TBC1D8: variants seen among roughly 807,000 people sequenced by gnomAD.
The protein encoded by TBC1D8 is TBC1 domain family member 8.
In TBC1D8, 65 loss-of-function variants were observed where a neutral mutation model predicts 118.8. That is an observed-to-expected ratio of 0.55 (90% CI 0.45 to 0.67). TBC1D8 has a LOEUF of 0.67. TBC1D8 is among the 30% of genes least tolerant of loss of function. The pLI, the probability that TBC1D8 is intolerant of heterozygous loss-of-function variation, is 0.00. For synonymous variants in TBC1D8, 566 were observed against 595.8 expected (o/e 0.95, Z 0.73); for missense variants, 1,376 against 1,471.2 (o/e 0.94, Z 1.06).
intron 2 of TBC1D8, among the ~76,000 whole-genome samples, chr2:101,066,741 T>C (rs1239373254): frequency 6.6e-6 from 1 of 152,008 alleles, no homozygotes; most frequent in African/African-American, 2.4e-5. Flanking sequence ...GGTCAGGAGT[T>C]TGAGACCAGC....
chr2:101,082,568 T>G (rs1675333582), intron 2 of TBC1D8, among the ~76,000 whole-genome samples: 1 of 152,342 alleles, frequency 6.6e-6, no homozygotes, highest in South Asian at 2.1e-4. Flanking sequence ...GAAAGCCGAC[T>G]TACAATGGAA....
chr2:101,021,221 C>G (rs1680011565), intron 17 of TBC1D8, among the ~76,000 whole-genome samples: 1 of 152,162 alleles, frequency 6.6e-6, no homozygotes, highest in South Asian at 2.1e-4. Context: ...AATGTCAAGT[C>G]TGATCTCATA....
At chr2:101,119,337 T>C (rs1021774833) in intron 1 of TBC1D8, among the ~76,000 whole-genome samples, 3 of 147,478 alleles carry the variant, frequency 2.0e-5, no homozygotes, top group Middle Eastern at 3.4e-3. Context: ...ACCACCCTAC[T>C]TACGGATGGC....
At chr2:101,106,235 T>C (rs1011737237) in intron 1 of TBC1D8, among the ~76,000 whole-genome samples, 2 of 152,054 alleles carry the variant, frequency 1.3e-5, no homozygotes, top group Non-Finnish European at 2.9e-5. Context: ...TAGTCAAACA[T>C]AGGGGAATTT....
rs754581064 is a variant in TBC1D8, at chr2:101,033,569, C to T, written c.1793G>A (p.Arg598Gln). 5 of 1,613,892 alleles carry T rather than the reference C, an allele frequency of 3.1e-6. No homozygotes were observed. The highest frequency in any genetic ancestry group is 4.5e-5 in the East Asian group (2 of 44,858). Residue 598 changes from arginine to glutamine, a missense_variant, in exon 10 of 20, where the codon CGG becomes CAG. Arg to Gln is a conservative substitution (Grantham distance 43, BLOSUM62 1). Transcript: ENST00000409318. ...CTGGCAGTATCCAATCTTGGGGTTC[C>T]GGTGGGCATAGGCCGTCAAGACTCT... ...LRRVLTAYAH[R>Q]NPKIGYCQSM...
At chr2:101,024,183 T>C (rs1408203316) in intron 15 of TBC1D8, among the ~76,000 whole-genome samples, 1 of 152,102 alleles carries the variant, frequency 6.6e-6, no homozygotes, top group Non-Finnish European at 1.5e-5. Context: ...ACTATAAAAA[T>C]AGGCAAAGGA....
chr2:101,074,008 A>G (rs1445977496), intron 2 of TBC1D8, among the ~76,000 whole-genome samples: 1 of 152,264 alleles, frequency 6.6e-6, no homozygotes, highest in Non-Finnish European at 1.5e-5. Flanking sequence ...TTACCTTTGC[A>G]TTCACAACTT....
intron 11 of TBC1D8, among the ~76,000 whole-genome samples, chr2:101,030,373 A>T (rs1299666014): frequency 1.3e-5 from 2 of 152,242 alleles, no homozygotes; most frequent in African/African-American, 4.8e-5. Flanking sequence ...AGATTTAAAC[A>T]CTCAGAAGAG....
intron 1 of TBC1D8, among the ~76,000 whole-genome samples, chr2:101,147,589 CTGA>C (rs1679372642): frequency 2.0e-5 from 3 of 152,178 alleles, no homozygotes. Context: ...GTGCCTTTCC[CTGA>C]TGATTAGTGA....
At chr2:101,141,284 T>A (rs1246631504) in intron 1 of TBC1D8, among the ~76,000 whole-genome samples, 1 of 152,208 alleles carries the variant, frequency 6.6e-6, no homozygotes, top group African/African-American at 2.4e-5. Flanking sequence ...ACTATACAAC[T>A]TTTTATTTTC....
chr2:101,036,335 T>C (rs6543005), intron 8 of TBC1D8, among the ~76,000 whole-genome samples, 167 bp from the exon 9 acceptor site: 124,464 of 152,102 alleles, frequency 0.82, 51,466 homozygotes, highest in African/African-American at 0.94. Context: ...GAACCTTTAC[T>C]GGGGGCACAG....
At chr2:101,086,358 A>G (rs1231901855) in intron 2 of TBC1D8, among the ~76,000 whole-genome samples, 1 of 152,228 alleles carries the variant, frequency 6.6e-6, no homozygotes, top group Non-Finnish European at 1.5e-5. Context: ...GAAATGTAAA[A>G]TGCATCAAAA....
intron 2 of TBC1D8, among the ~76,000 whole-genome samples, chr2:101,087,051 T>G (rs1448668910): frequency 6.6e-6 from 1 of 152,138 alleles, no homozygotes; most frequent in Non-Finnish European, 1.5e-5. Flanking sequence ...CCCAAAGTGC[T>G]GGGATTACAG....
intron 8 of TBC1D8, among the ~76,000 whole-genome samples, chr2:101,036,510 A>C (rs1681022594): frequency 7.1e-6 from 1 of 140,498 alleles, no homozygotes; most frequent in African/African-American, 2.6e-5. Context: ...GGGGTGGGTA[A>C]GGGGGACGCT....
At chr2:101,138,535 A>G (rs1678958960) in intron 1 of TBC1D8, among the ~76,000 whole-genome samples, 1 of 152,146 alleles carries the variant, frequency 6.6e-6, no homozygotes, top group Non-Finnish European at 1.5e-5. Context: ...ACTTCCGACC[A>G]ACCAGCTACA....
chr2:101,036,127 A>C lies in TBC1D8; in HGVS notation c.1494T>G (p.Phe498Leu), dbSNP rs1368909771. 1.2e-6 allele frequency: 2 copies of C among 1,614,004 alleles called. No homozygotes were observed. Among genetic ancestry groups the C allele is most frequent in the Non-Finnish European group, 1.7e-6 (2 of 1,179,880 alleles). Residue 498 changes from phenylalanine (F) to leucine (L), a missense_variant, in exon 9 of 20, where the codon TTT (phenylalanine) becomes TTG (leucine). Phe to Leu is a conservative substitution (Grantham distance 22, BLOSUM62 0). Transcript: ENST00000409318. ...TACACACGGTTCTGCCGTATTCCAC[A>C]AAGTGGTCATTCCACAGGCTTATTT... ...QIKISLWNDH[F>L]VEYGRTVCMF...
intron 2 of TBC1D8, among the ~76,000 whole-genome samples, chr2:101,086,074 A>G (rs907272627): frequency 2.0e-5 from 3 of 151,342 alleles, no homozygotes; most frequent in East Asian, 2.0e-4. Flanking sequence ...CCTGGGAGGC[A>G]GAGGTTTCAG....
chr2:101,059,353 A>G, intron 3 of TBC1D8, 68 bp downstream of exon 3: 1 of 1,249,294 alleles, frequency 8.0e-7, no homozygotes, highest in South Asian at 1.3e-5. Context: ...AGTATGCTAC[A>G]GTGTTCGGAA....
chr2:101,046,175 T>A (rs1681691469), intron 5 of TBC1D8, among the ~76,000 whole-genome samples: 1 of 151,790 alleles, frequency 6.6e-6, no homozygotes, highest in Admixed American at 6.6e-5. Context: ...CCCCCAGGAG[T>A]CCTAAGGAAA....
Sources: allele counts gnomAD v4.1 joint callset (sites outside exome capture counted in the v4.1 genomes callset), GRCh38; gene constraint gnomAD v4.1.1; transcripts MANE v1.5; gene names NCBI Gene and HGNC (gene_info 2026-07-23, HGNC 2026-07-21).